The following MOB3B variants were observed in gnomAD, a reference collection of about 807,000 sequenced individuals.
MOB3B encodes MOB kinase activator 3B, also known as MOB kinase activator-like 2B.
Under a neutral mutation model 18.7 loss-of-function variants are expected in MOB3B, and 7 were observed. That is an observed-to-expected ratio of 0.37 (90% confidence interval 0.21 to 0.70). The LOEUF (loss-of-function observed/expected upper bound fraction) is 0.70, where lower values mean the gene tolerates loss of function less well. Ranked by LOEUF, MOB3B falls within the 30% of genes least tolerant of loss-of-function variation. The pLI, the probability that MOB3B is intolerant of heterozygous loss-of-function variation, is 0.52. For missense variants in MOB3B, 253 were observed against 281.3 expected, an observed-to-expected ratio of 0.90 and a Z score of 0.72; for synonymous variants, 111 against 99.9, an observed-to-expected ratio of 1.11 and a Z score of -0.66.
intron 3 of MOB3B, among the ~76,000 whole-genome samples, chr9:27,350,404 TGA>T (rs1821087984): frequency 1.3e-5 from 2 of 152,178 alleles, no homozygotes; most frequent in Admixed American, 1.3e-4. Context: ...AATTTTCCCA[TGA>T]GAGACATCTT....
intron 1 of MOB3B, among the ~76,000 whole-genome samples, chr9:27,497,627 T>A (rs941019019): frequency 6.6e-6 from 1 of 152,012 alleles, no homozygotes; most frequent in African/African-American, 2.4e-5. Context: ...GTTTTATATG[T>A]TCTAAATTAA....
At chr9:27,350,284 C>A (rs1454225289) in intron 3 of MOB3B, among the ~76,000 whole-genome samples, 1 of 150,296 alleles carries the variant, frequency 6.7e-6, no homozygotes, top group East Asian at 1.9e-4. Flanking sequence ...AAGAGAGAAC[C>A]ACTGTTGGCA....
chr9:27,419,590 T>C (rs535881006), intron 2 of MOB3B, among the ~76,000 whole-genome samples: 1 of 152,250 alleles, frequency 6.6e-6, no homozygotes, highest in South Asian at 2.1e-4. Context: ...GCTGGGATAA[T>C]TGGCTAGCCA....
At position 27,354,153 on chromosome 9, in the gene MOB3B, C is replaced by A. The variant is rs113376417; in HGVS notation, c.621+4881G>T. On this transcript the variant is annotated intron_variant, in intron 3 of 3. Transcript: ENST00000262244. Reference sequence around the variant, plus strand: ...GTCCCAATGGGAGCCATGAGGCAAGCTCTGGGGGTGGATGGATGTGCTGGT... The same window carrying A: ...GTCCCAATGGGAGCCATGAGGCAAGATCTGGGGGTGGATGGATGTGCTGGT... Among the ~76,000 whole-genome samples, 1,434 of 152,348 alleles carry A rather than the reference C, an allele frequency of 9.4e-3. 11 individuals carry two copies. Among genetic ancestry groups the A allele is most frequent in the Non-Finnish European group, 0.014 (970 of 68,030 alleles).
intron 3 of MOB3B, chr9:27,358,782 T>A (rs1490129207): frequency 1.4e-6 from 1 of 693,934 alleles, no homozygotes; most frequent in Admixed American, 1.8e-5. Flanking sequence ...AGCTACTCCC[T>A]CTGATCCAAA....
chr9:27,342,878 C>T (rs926588916), intron 3 of MOB3B, among the ~76,000 whole-genome samples: 8 of 151,248 alleles, frequency 5.3e-5, no homozygotes, highest in East Asian at 2.0e-4. Context: ...AGCCTCTGCC[C>T]GGCCGCCACC....
chr9:27,359,096 T>G lies in MOB3B; in HGVS notation c.559A>C (p.Lys187Gln). ...TCTGTGACAAAGTAATAGAAGTGTT[T>G]GTAGCAGGTGTTGACATGGGCCTCT... ...GAEAHVNTCYKHFYYFVTEMN... is the reference protein window; with the variant it reads ...GAEAHVNTCYQHFYYFVTEMN... Residue 187 changes from lysine to glutamine, a missense_variant, in exon 3 of 4, where the codon AAA becomes CAA. Lys to Gln is a moderately conservative substitution (Grantham distance 53, BLOSUM62 1). Coordinates refer to ENST00000262244, the MANE Select transcript of MOB3B (RefSeq NM_024761.5). The G allele has an allele frequency of 6.2e-7, 1 of 1,614,130 alleles. No individual in the cohort carries two copies. The highest frequency in any genetic ancestry group is 1.6e-4 in the Middle Eastern group (1 of 6,062).
rs1329906743 is a variant in MOB3B, at chr9:27,388,018, C to T, written c.419-28782G>A. On this transcript the variant is annotated intron_variant, in intron 2 of 3. Transcript: ENST00000262244. ...AATTGGGAGTCAGCTACCACTGGCA[C>T]CTGGCAAGCAGAAGCCAGGGATACT... is the stretch of plus-strand genomic sequence containing the variant. Among the ~76,000 whole-genome samples the T allele has an allele frequency of 3.9e-5, 6 of 152,112 alleles. No homozygotes were observed. The East Asian group carries it at 9.6e-4, about 24-fold the overall frequency.
At chr9:27,498,290 C>T (rs769521854) in intron 1 of MOB3B, among the ~76,000 whole-genome samples, 2 of 152,156 alleles carry the variant, frequency 1.3e-5, no homozygotes, top group East Asian at 1.9e-4. Flanking sequence ...TCAATCACAG[C>T]GTTTTCCAAG....
chr9:27,529,775 C>A lies in MOB3B; in HGVS notation c.-419G>T. 1 of 985,446 alleles carries A rather than the reference C, an allele frequency of 1.0e-6. No homozygotes were observed. The highest frequency in any genetic ancestry group is 4.7e-5 in the South Asian group (1 of 21,288). The allele number at this position is 985,446 out of a possible 1,614,324, so 61.0% of individuals were successfully genotyped here. On this transcript the variant is annotated 5_prime_UTR_variant, in exon 1 of 4. An upstream start codon of the reference 5' UTR is lost. Coordinates refer to ENST00000262244, the MANE Select transcript of MOB3B (RefSeq NM_024761.5). ...CGCCGTCGCTCCGGAGCAGCCCCCT[C>A]ATGCACCCAGCGCGCCGCGCAGCCG...
intron 3 of MOB3B, among the ~76,000 whole-genome samples, chr9:27,352,879 C>T (rs1274039635): frequency 1.3e-5 from 2 of 152,226 alleles, no homozygotes; most frequent in Non-Finnish European, 2.9e-5. Context: ...TGGATACCTT[C>T]TCAAAGGCTT....
At chr9:27,509,962 T>A (rs987960098) in intron 1 of MOB3B, among the ~76,000 whole-genome samples, 1 of 152,218 alleles carries the variant, frequency 6.6e-6, no homozygotes. Context: ...TGACCTCAGA[T>A]GATCCACCCA....
At chr9:27,487,546 G>T (rs912364293) in intron 1 of MOB3B, among the ~76,000 whole-genome samples, 1 of 152,072 alleles carries the variant, frequency 6.6e-6, no homozygotes, top group Non-Finnish European at 1.5e-5. Context: ...GGGCCAGGGA[G>T]AACTGATGAT....
chr9:27,382,502 T>C (rs1334657384), intron 2 of MOB3B, among the ~76,000 whole-genome samples: 1 of 152,054 alleles, frequency 6.6e-6, no homozygotes, highest in African/African-American at 2.4e-5. Flanking sequence ...TTCACCCCCA[T>C]GGCTGAGGGT....
chr9:27,349,755 G>A (rs1821079294), intron 3 of MOB3B, among the ~76,000 whole-genome samples: 1 of 152,224 alleles, frequency 6.6e-6, no homozygotes, highest in African/African-American at 2.4e-5. Flanking sequence ...GAGAAATGTT[G>A]AGCAGAAGGT....
intron 2 of MOB3B, among the ~76,000 whole-genome samples, chr9:27,454,029 T>C (rs369248954): frequency 4.1e-4 from 63 of 152,302 alleles, no homozygotes; most frequent in Middle Eastern, 3.4e-3. Context: ...ATGAGGGAAC[T>C]GGACAAGCCA....
chr9:27,502,616 C>A (rs1448705001), intron 1 of MOB3B, among the ~76,000 whole-genome samples: 9 of 152,202 alleles, frequency 5.9e-5, no homozygotes, highest in African/African-American at 2.2e-4. Context: ...AGGAACACGG[C>A]CAGGGCAGCC....
chr9:27,514,125 C>A (rs766718857), intron 1 of MOB3B, among the ~76,000 whole-genome samples: 1 of 152,054 alleles, frequency 6.6e-6, no homozygotes, highest in Non-Finnish European at 1.5e-5. Context: ...AACTCTGGGA[C>A]CATTCATATG....
At chr9:27,510,578 G>A (rs58287778) in intron 1 of MOB3B, among the ~76,000 whole-genome samples, 4,795 of 152,198 alleles carry the variant, frequency 0.032, 100 homozygotes, top group Middle Eastern at 0.065. Flanking sequence ...GATATTGTAG[G>A]CTTTTCATAT....
Sources: gnomAD v4.1 joint callset for allele counts (sites outside exome capture counted in the v4.1 genomes callset) on GRCh38, gnomAD v4.1.1 for gene constraint, MANE v1.5 for transcripts, NCBI Gene and HGNC (gene_info 2026-07-23, HGNC 2026-07-21) for gene names.